The following ERBB4 variants were observed in gnomAD, a reference collection of about 807,000 sequenced individuals.
ERBB4 encodes receptor tyrosine-protein kinase erbB-4.
In ERBB4, 42 loss-of-function variants were observed where a neutral mutation model predicts 158.0. The observed-to-expected ratio is 0.27, with a 90% CI of 0.21 to 0.34. The LOEUF (loss-of-function observed/expected upper bound fraction) is 0.34, where lower values mean the gene tolerates loss of function less well. ERBB4 is among the 10% of genes least tolerant of loss of function. The probability of loss-of-function intolerance (pLI) is 1.00; values close to 1 mark genes in which losing one functional copy is unlikely to be tolerated. For missense variants in ERBB4, 1,333 were observed against 1,624.1 expected, an observed-to-expected ratio of 0.82 and a Z score of 3.08; for synonymous variants, 583 against 558.7, an observed-to-expected ratio of 1.04 and a Z score of -0.61.
chr2:212,316,721 A>T (rs963426181), intron 1 of ERBB4, among the ~76,000 whole-genome samples: 1 of 151,510 alleles, frequency 6.6e-6, no homozygotes, highest in Non-Finnish European at 1.5e-5. Flanking sequence ...TTCCTAAAAA[A>T]AATGGAGAGA....
chr2:211,488,677 C>T (rs1559219037), intron 20 of ERBB4, among the ~76,000 whole-genome samples: 1 of 151,800 alleles, frequency 6.6e-6, no homozygotes, highest in African/African-American at 2.4e-5. Context: ...TAAAACTTAC[C>T]TGAAAAGGAA....
In ERBB4 at chr2:212,045,668, C is replaced by T. The variant is rs150700489; in HGVS notation, c.234+79084G>A. On this transcript the variant is annotated intron_variant, in intron 2 of 27. Transcript: ENST00000342788. ...GAGACTGAACAGTACCAACATGAAA[C>T]GTCAATAAGACTTAAGGCTGATAGA... 2.6e-3 allele frequency among the ~76,000 whole-genome samples: 397 copies of T among 152,158 alleles called. 2 individuals are homozygous for T. Among genetic ancestry groups the T allele is most frequent in the Non-Finnish European group, 4.2e-3 (289 of 68,006 alleles).
chr2:212,208,354 A>T (rs1446952109), intron 1 of ERBB4, among the ~76,000 whole-genome samples: 1 of 152,104 alleles, frequency 6.6e-6, no homozygotes. Context: ...TTCTTTTCTC[A>T]TTATTTGTTC....
chr2:211,529,030 C>T (rs2066424491), intron 20 of ERBB4, among the ~76,000 whole-genome samples: 1 of 148,270 alleles, frequency 6.7e-6, no homozygotes, highest in South Asian at 2.1e-4. Flanking sequence ...GAAATTGAAA[C>T]AAGAAAACAA....
At chr2:211,409,615 G>A (rs745484445) in intron 25 of ERBB4, among the ~76,000 whole-genome samples, 44 of 152,064 alleles carry the variant, frequency 2.9e-4, no homozygotes, top group Non-Finnish European at 5.7e-4. Context: ...AATCGAGCAG[G>A]GGCTCTGGCT....
At chr2:211,715,597 G>A (rs924051900) in intron 7 of ERBB4, among the ~76,000 whole-genome samples, 1 of 152,170 alleles carries the variant, frequency 6.6e-6, no homozygotes, top group African/African-American at 2.4e-5. Context: ...GCTTCTCATG[G>A]TTTAACACCA....
intron 19 of ERBB4, among the ~76,000 whole-genome samples, chr2:211,598,405 A>T (rs563412165): frequency 6.6e-6 from 1 of 152,308 alleles, no homozygotes; most frequent in African/African-American, 2.4e-5. Flanking sequence ...AGTTGCAGAT[A>T]ACTTGGGTGA....
chr2:212,357,975 T>C (rs985879717), intron 1 of ERBB4, among the ~76,000 whole-genome samples: 36 of 151,996 alleles, frequency 2.4e-4, no homozygotes, highest in African/African-American at 8.7e-4. Context: ...TATTCATTGC[T>C]CTCCTATTTG....
At chr2:211,662,277 A>G (rs1205455971) in intron 15 of ERBB4, among the ~76,000 whole-genome samples, 1 of 151,936 alleles carries the variant, frequency 6.6e-6, no homozygotes, top group African/African-American at 2.4e-5. Flanking sequence ...ATTAGTGAGG[A>G]AAAAAATCAT....
At chr2:211,847,381 T>C (rs2077615604) in intron 3 of ERBB4, among the ~76,000 whole-genome samples, 1 of 152,144 alleles carries the variant, frequency 6.6e-6, no homozygotes, top group Non-Finnish European at 1.5e-5. Context: ...ACATAATTAA[T>C]TCATTTGCCA....
At position 211,938,552 on chromosome 2, in the gene ERBB4, G is replaced by A. The variant is rs998878947; in HGVS notation, c.421+8878C>T. On this transcript the variant is annotated intron_variant, in intron 3 of 27. Coordinates refer to ENST00000342788, the MANE Select transcript of ERBB4 (RefSeq NM_005235.3). ...TTCATTCACAGCAGTCTTGTTCAGAGGGCTCATTGGCCACATCTGGCTACT... is the reference window on the plus strand; with the variant it reads ...TTCATTCACAGCAGTCTTGTTCAGAAGGCTCATTGGCCACATCTGGCTACT... 1.5e-4 allele frequency among the ~76,000 whole-genome samples: 23 copies of A among 152,050 alleles called. 1 individual carries two copies. The highest frequency in any genetic ancestry group is 5.6e-4 in the African/African-American group (23 of 41,370).
chr2:211,910,459 C>A (rs1341032013), intron 3 of ERBB4, among the ~76,000 whole-genome samples: 1 of 150,082 alleles, frequency 6.7e-6, no homozygotes, highest in African/African-American at 2.4e-5. Flanking sequence ...TTATCCTTAG[C>A]AAACTAACAC....
intron 1 of ERBB4, among the ~76,000 whole-genome samples, chr2:212,427,774 T>C (rs1170112042): frequency 6.6e-6 from 1 of 152,142 alleles, no homozygotes; most frequent in Non-Finnish European, 1.5e-5. Flanking sequence ...GGTTGCTCTC[T>C]TTTCGTTTAA....
At chr2:211,607,568 T>C (rs1241931887) in intron 19 of ERBB4, among the ~76,000 whole-genome samples, 1 of 152,204 alleles carries the variant, frequency 6.6e-6, no homozygotes, top group African/African-American at 2.4e-5. Flanking sequence ...ACTGATTGCT[T>C]ATTCGTCTGT....
chr2:212,296,967 G>A (rs768217697), intron 1 of ERBB4, among the ~76,000 whole-genome samples: 3 of 151,772 alleles, frequency 2.0e-5, no homozygotes, highest in Admixed American at 6.6e-5. Flanking sequence ...ACTCACCAAC[G>A]CTACTAATCC....
intron 3 of ERBB4, among the ~76,000 whole-genome samples, chr2:211,889,494 C>T (rs1191816498): frequency 6.6e-6 from 1 of 151,744 alleles, no homozygotes; most frequent in African/African-American, 2.4e-5. Context: ...CAGAGCGCCT[C>T]TCCTCCTCCA....
intron 3 of ERBB4, among the ~76,000 whole-genome samples, chr2:211,932,400 C>G (rs1003411603): frequency 1.3e-5 from 2 of 151,914 alleles, no homozygotes; most frequent in Non-Finnish European, 1.5e-5. Context: ...CTATAAATGA[C>G]AATAATCAGA....
chr2:211,756,895 T>C (rs2075298742), intron 4 of ERBB4, among the ~76,000 whole-genome samples: 1 of 152,214 alleles, frequency 6.6e-6, no homozygotes, highest in South Asian at 2.1e-4. Flanking sequence ...TAGCAGTCTC[T>C]CATGTCTTAG....
chr2:212,003,215 A>AAGAAAGAAAGACAGAC lies in ERBB4; in HGVS notation c.235-55600_235-55599insGTCTGTCTTTCTTTCT, dbSNP rs1559294215. 4.7e-4 allele frequency among the ~76,000 whole-genome samples: 22 copies of AAGAAAGAAAGACAGAC among 47,272 alleles called. 1 individual carries two copies. Among genetic ancestry groups the AAGAAAGAAAGACAGAC allele is most frequent in the African/African-American group, 1.1e-3 (20 of 18,674 alleles). 31.0% of individuals were successfully genotyped at this position (47,272 alleles called of 152,430 possible). ...AAAGAAAGAAAGAAAGACAGAAAGA[A>AAGAAAGAAAGACAGAC]GGAAGGAAGGAAGGAAGGAAGGAAG... On this transcript the variant is annotated intron_variant, in intron 2 of 27. Transcript: ENST00000342788.
Sources: allele counts gnomAD v4.1 joint callset (sites outside exome capture counted in the v4.1 genomes callset), GRCh38; gene constraint gnomAD v4.1.1; transcripts MANE v1.5; gene names NCBI Gene and HGNC (gene_info 2026-07-23, HGNC 2026-07-21).